DEPTOR: variants seen among roughly 807,000 people sequenced by gnomAD.
The protein encoded by DEPTOR is DEP domain-containing mTOR-interacting protein.
DEPTOR carries 41 observed loss-of-function variants against 41.6 expected under a neutral mutation model. The ratio of observed to expected loss-of-function variants is 0.98; its 90% CI spans 0.77 to 1.28. The LOEUF is 1.28. DEPTOR is among the 50% of genes most tolerant of loss of function. The probability of loss-of-function intolerance (pLI) is 0.00; values close to 1 mark genes in which losing one functional copy is unlikely to be tolerated. For synonymous variants in DEPTOR, 195 were observed against 192.3 expected (o/e 1.01, Z -0.12); for missense variants, 514 against 527.9 (o/e 0.97, Z 0.26).
intron 1 of DEPTOR, among the ~76,000 whole-genome samples, chr8:119,917,145 C>A (rs568438948): frequency 6.6e-6 from 1 of 152,046 alleles, no homozygotes; most frequent in African/African-American, 2.4e-5. Flanking sequence ...GTTTCGTCTT[C>A]AAAGTATCTT....
intron 8 of DEPTOR, among the ~76,000 whole-genome samples, chr8:120,038,632 A>G (rs1336748087): frequency 6.6e-6 from 1 of 151,984 alleles, no homozygotes; most frequent in Non-Finnish European, 1.5e-5. Context: ...AAATAAACAA[A>G]TAATAAATAA....
At chr8:119,976,613 C>T (rs190920778) in intron 4 of DEPTOR, among the ~76,000 whole-genome samples, 1 of 152,294 alleles carries the variant, frequency 6.6e-6, no homozygotes, top group Admixed American at 6.5e-5. Flanking sequence ...GAAACTGAAG[C>T]AACTCTGGGG....
At chr8:119,932,458 T>C (rs986156358) in intron 3 of DEPTOR, among the ~76,000 whole-genome samples, 17 of 152,200 alleles carry the variant, frequency 1.1e-4, no homozygotes, top group African/African-American at 3.9e-4. Context: ...AAAGCAGACT[T>C]ACTCCAGCCT....
rs539844410 is a variant in DEPTOR, at chr8:119,921,594, A to C, written c.123-6806A>C. 3.3e-5 allele frequency among the ~76,000 whole-genome samples: 5 copies of C among 152,272 alleles called. No homozygotes were observed. The South Asian group carries it at 6.2e-4, about 19-fold the overall frequency. On this transcript the variant is annotated intron_variant, in intron 1 of 8. Coordinates refer to ENST00000286234, the MANE Select transcript of DEPTOR (RefSeq NM_022783.4). Reference sequence around the variant, plus strand: ...TCATACTCAGTTTTCTTAAACATGGAAATGTACCAGGACCCAGTGGGACAG... The same window carrying C: ...TCATACTCAGTTTTCTTAAACATGGCAATGTACCAGGACCCAGTGGGACAG...
At chr8:119,887,853 C>G (rs148958468) in intron 1 of DEPTOR, among the ~76,000 whole-genome samples, 2,808 of 151,986 alleles carry the variant, frequency 0.018, 84 homozygotes, top group African/African-American at 0.063. Flanking sequence ...CATGGTCTTG[C>G]TCTGTCACCC....
intron 8 of DEPTOR, among the ~76,000 whole-genome samples, chr8:120,012,307 T>A (rs1230208690): frequency 6.6e-6 from 1 of 152,184 alleles, no homozygotes; most frequent in Non-Finnish European, 1.5e-5. Flanking sequence ...GGAGTGTACT[T>A]ACACAAACCT....
intron 3 of DEPTOR, among the ~76,000 whole-genome samples, chr8:119,959,675 C>T (rs1348846643): frequency 6.6e-6 from 1 of 151,934 alleles, no homozygotes; most frequent in Admixed American, 6.6e-5. Flanking sequence ...GGATTACAGG[C>T]ATGCACCACC....
At chr8:119,960,434 T>C (rs1364449842) in intron 3 of DEPTOR, among the ~76,000 whole-genome samples, 2 of 152,076 alleles carry the variant, frequency 1.3e-5, no homozygotes, top group Middle Eastern at 3.2e-3. Flanking sequence ...AGGCACCTAA[T>C]TTCTAATCCT....
intron 8 of DEPTOR, among the ~76,000 whole-genome samples, chr8:120,042,215 G>A (rs1813085719): frequency 1.3e-5 from 2 of 152,124 alleles, no homozygotes; most frequent in South Asian, 2.1e-4. Context: ...CCGCCATTCA[G>A]AGGTAGTCAC....
intron 5 of DEPTOR, 27 bp downstream of exon 5, chr8:120,001,737 C>T: frequency 2.5e-6 from 4 of 1,592,208 alleles, no homozygotes; most frequent in Non-Finnish European, 3.4e-6. Context: ...TTTATTGGAG[C>T]TCAAGTGTTT....
chr8:119,916,544 T>G (rs896889766), intron 1 of DEPTOR, among the ~76,000 whole-genome samples: 1 of 152,202 alleles, frequency 6.6e-6, no homozygotes, highest in African/African-American at 2.4e-5. Context: ...GAATTAAAGT[T>G]AGTTTTATTT....
intron 8 of DEPTOR, among the ~76,000 whole-genome samples, chr8:120,027,493 T>G (rs1586664067): frequency 6.6e-6 from 1 of 151,106 alleles, no homozygotes; most frequent in Admixed American, 6.6e-5. Context: ...TCACCTGAGG[T>G]CAGGAGTTTG....
chr8:120,002,791 A>AAAAAAAAAATATATATATAT, intron 5 of DEPTOR, among the ~76,000 whole-genome samples, 186 bp from the exon 6 acceptor site: 1 of 60,674 alleles, frequency 1.6e-5, no homozygotes, highest in Non-Finnish European at 2.9e-5. Context: ...AAAAAAAAAA[A>AAAAAAAAAATATATATATAT]ATATATATAT....
At chr8:119,955,472 CTT>C (rs879669921) in intron 3 of DEPTOR, among the ~76,000 whole-genome samples, 1 of 146,116 alleles carries the variant, frequency 6.8e-6, no homozygotes. Context: ...TTTTTCCTTT[CTT>C]TTTTTTTTTG....
At chr8:119,950,026 A>G (rs747209876) in intron 3 of DEPTOR, among the ~76,000 whole-genome samples, 19 of 152,136 alleles carry the variant, frequency 1.2e-4, no homozygotes, top group Non-Finnish European at 1.9e-4. Flanking sequence ...TTTAGCTTTT[A>G]AATCTATTTA....
intron 7 of DEPTOR, among the ~76,000 whole-genome samples, chr8:120,007,891 T>G (rs1812468903): frequency 6.6e-6 from 1 of 152,198 alleles, no homozygotes; most frequent in African/African-American, 2.4e-5. Context: ...AAATTTTCAT[T>G]TGCCTCCCTG....
chr8:119,992,669 T>C (rs1270908655), intron 4 of DEPTOR, among the ~76,000 whole-genome samples: 3 of 150,978 alleles, frequency 2.0e-5, no homozygotes. Context: ...TTTTTTTTTT[T>C]TTTTTTGAGA....
intron 1 of DEPTOR, among the ~76,000 whole-genome samples, chr8:119,894,384 TTTTA>T (rs35523236): frequency 2.2e-5 from 1 of 46,408 alleles, no homozygotes; most frequent in Non-Finnish European, 6.3e-5. Context: ...AATAGTTCTT[TTTTA>T]TTTATTTATT....
At chr8:119,923,896 T>TTC (rs1563966835) in intron 1 of DEPTOR, among the ~76,000 whole-genome samples, 6 of 150,262 alleles carry the variant, frequency 4.0e-5, no homozygotes, top group African/African-American at 1.5e-4. Context: ...TTTCTTTCTT[T>TTC]TTTTTTTTTG....
Sources: allele counts gnomAD v4.1 joint callset (sites outside exome capture counted in the v4.1 genomes callset), GRCh38; gene constraint gnomAD v4.1.1; transcripts MANE v1.5; gene names NCBI Gene and HGNC (gene_info 2026-07-23, HGNC 2026-07-21).